Variants in NFE2L3 observed in about 807,000 individuals in gnomAD.
The protein encoded by NFE2L3 is nuclear factor erythroid 2-related factor 3.
A neutral mutation model predicts 23.5 loss-of-function variants in NFE2L3; 18 were observed. The observed-to-expected ratio is 0.77, with a 90% CI of 0.53 to 1.13. NFE2L3 has a LOEUF of 1.13. Among genes scored for constraint, NFE2L3 ranks in the 50% most tolerant of loss-of-function variants. NFE2L3 has a pLI of 0.00. For missense variants in NFE2L3, 1,152 were observed against 877.2 expected, an observed-to-expected ratio of 1.31 and a Z score of -3.96; for synonymous variants, 424 against 354.5, an observed-to-expected ratio of 1.20 and a Z score of -2.20.
chr7:26,181,521 T>C (rs887586783), intron 2 of NFE2L3, among the ~76,000 whole-genome samples: 5 of 152,132 alleles, frequency 3.3e-5, no homozygotes, highest in African/African-American at 1.2e-4. Flanking sequence ...AAGATCTGAA[T>C]GCACACTACC....
intron 2 of NFE2L3, among the ~76,000 whole-genome samples, chr7:26,183,009 A>G (rs186881966): frequency 1.3e-5 from 2 of 151,846 alleles, no homozygotes; most frequent in South Asian, 2.1e-4. Context: ...CTGGTCTCCA[A>G]CTCCTGGGCT....
intron 1 of NFE2L3, among the ~76,000 whole-genome samples, chr7:26,162,354 GA>G (rs1348540388): frequency 6.6e-6 from 1 of 152,106 alleles, no homozygotes; most frequent in Non-Finnish European, 1.5e-5. Context: ...ATTGAGTGGG[GA>G]GGGGTGAAGG....
intron 1 of NFE2L3, chr7:26,174,543 G>GCT (rs1784369703): frequency 6.6e-6 from 1 of 152,220 alleles, no homozygotes; most frequent in African/African-American, 2.4e-5. Context: ...GACTGATTGA[G>GCT]CTAGGACTAA....
In NFE2L3 at chr7:26,183,723, CTTCT is replaced by C. The variant is rs777217101; in HGVS notation, c.778_781del (p.Phe260LeufsTer35). On this transcript the variant is annotated frameshift_variant, in exon 3 of 4. Transcript: ENST00000056233. LOFTEE classifies it high-confidence loss of function. ...CAGAGACATCTGAATGGGACAGATACTTCTTTCTCTCTGGAAGACTTATTCCAGT... is the reference window on the plus strand; with the variant it reads ...CAGAGACATCTGAATGGGACAGATACTTCTCTCTGGAAGACTTATTCCAGT... 4.6e-5 allele frequency: 74 copies of C among 1,612,214 alleles called. No individual in the cohort carries two copies. The Middle Eastern group carries it at 1.5e-3, about 32-fold the overall frequency.
At chr7:26,183,878 G>T (rs1021609934) in intron 3 of NFE2L3, 94 bp downstream of exon 3, 1 of 812,242 alleles carries the variant, frequency 1.2e-6, no homozygotes, top group Non-Finnish European at 2.1e-6. Context: ...TGACACAGCA[G>T]TTTAAAGTAA....
intron 2 of NFE2L3, among the ~76,000 whole-genome samples, chr7:26,182,181 A>T (rs1784527217): frequency 1.3e-5 from 2 of 152,230 alleles, no homozygotes; most frequent in Admixed American, 6.5e-5. Context: ...AACATTTTTT[A>T]AATTACCTGA....
chr7:26,161,664 C>G (rs954433032), intron 1 of NFE2L3, among the ~76,000 whole-genome samples: 2 of 152,148 alleles, frequency 1.3e-5, no homozygotes, highest in African/African-American at 4.8e-5. Context: ...AGTTAAAAAA[C>G]TGGGCCAAAG....
intron 1 of NFE2L3, among the ~76,000 whole-genome samples, chr7:26,169,754 G>T (rs1420051687): frequency 6.6e-6 from 1 of 152,218 alleles, no homozygotes; most frequent in African/African-American, 2.4e-5. Flanking sequence ...GTCTGTGCAG[G>T]TTGAAGTATT....
intron 1 of NFE2L3, among the ~76,000 whole-genome samples, chr7:26,170,128 G>A (rs984215870): frequency 6.6e-6 from 1 of 152,072 alleles, no homozygotes; most frequent in Non-Finnish European, 1.5e-5. Context: ...TAAATTATAC[G>A]GTCACTTATT....
chr7:26,153,111 C>T, intron 1 of NFE2L3, 43 bp downstream of exon 1: 1 of 1,487,428 alleles, frequency 6.7e-7, no homozygotes, highest in Non-Finnish European at 8.9e-7. Context: ...GCGTCTACGC[C>T]GCCGGGAGCC....
At position 26,175,711 on chromosome 7, in the gene NFE2L3, C is replaced by T. The variant is rs1412484267; in HGVS notation, c.571-2232C>T. ...GGAGAATGGCGTGAACCCGGGAGGCCGAGCTTGTAGTGAGCCAAGATCGTG... is the reference window on the plus strand; with the variant it reads ...GGAGAATGGCGTGAACCCGGGAGGCTGAGCTTGTAGTGAGCCAAGATCGTG... On this transcript the variant is annotated intron_variant, in intron 1 of 3. Transcript: ENST00000056233. Among the ~76,000 whole-genome samples, 71 of 148,354 alleles carry T rather than the reference C, an allele frequency of 4.8e-4. 1 individual carries two copies. The highest frequency in any genetic ancestry group is 2.2e-3 in the Admixed American group (32 of 14,830).
At chr7:26,175,008 G>A (rs947616266) in intron 1 of NFE2L3, 13 of 152,132 alleles carry the variant, frequency 8.5e-5, no homozygotes, top group African/African-American at 2.7e-4. Flanking sequence ...GGGTAAATAA[G>A]TATAGATCTG....
chr7:26,159,580 A>C (rs575605023), intron 1 of NFE2L3, among the ~76,000 whole-genome samples: 4 of 152,194 alleles, frequency 2.6e-5, no homozygotes, highest in Non-Finnish European at 5.9e-5. Context: ...GTGTTTGCAG[A>C]ACTTCAAAGA....
chr7:26,160,134 T>C (rs1186519683), intron 1 of NFE2L3, among the ~76,000 whole-genome samples: 1 of 152,076 alleles, frequency 6.6e-6, no homozygotes, highest in African/African-American at 2.4e-5. Flanking sequence ...TTTAAAAATT[T>C]GTTTGCAGAG....
chr7:26,184,450 A>G, intron 3 of NFE2L3, 83 bp from the exon 4 acceptor site: 1 of 1,262,780 alleles, frequency 7.9e-7, no homozygotes, highest in Non-Finnish European at 1.1e-6. Flanking sequence ...TTGACAAAAG[A>G]GGGGAAAGAA....
rs1562680813 is a variant in NFE2L3, at chr7:26,185,182, T to G, written c.1484T>G (p.Phe495Cys). The G allele has an allele frequency of 3.7e-6, 6 of 1,613,858 alleles. No individual in the cohort carries two copies. Among genetic ancestry groups the G allele is most frequent in the Non-Finnish European group, 5.1e-6 (6 of 1,179,854 alleles). ...GGAGATCTTACATTTCAACACGTAT[T>G]TCATAACCACACTTACCACTTACAG... ...FHGDLTFQHV[F>C]HNHTYHLQPT... Residue 495 changes from phenylalanine (F) to cysteine (C), a missense_variant, in exon 4 of 4, where the codon TTT becomes TGT. Transcript: ENST00000056233.
At chr7:26,163,185 A>G (rs1252808811) in intron 1 of NFE2L3, among the ~76,000 whole-genome samples, 1 of 152,096 alleles carries the variant, frequency 6.6e-6, no homozygotes, top group Non-Finnish European at 1.5e-5. Context: ...ATTTCTTAGC[A>G]AGGAGAAGAG....
chr7:26,163,670 ATTATACTT>A (rs1303966870), intron 1 of NFE2L3, among the ~76,000 whole-genome samples: 1 of 152,044 alleles, frequency 6.6e-6, no homozygotes, highest in Non-Finnish European at 1.5e-5. Flanking sequence ...TATTTATTTT[ATTATACTT>A]TAAGTTTTAG....
intron 1 of NFE2L3, among the ~76,000 whole-genome samples, chr7:26,154,997 A>T (rs960229762): frequency 1.3e-5 from 2 of 152,132 alleles, no homozygotes; most frequent in African/African-American, 4.8e-5. Context: ...TGTGTGCACC[A>T]TGTTCACTGC....
Sources: allele counts gnomAD v4.1 joint callset (sites outside exome capture counted in the v4.1 genomes callset), GRCh38; gene constraint gnomAD v4.1.1; transcripts MANE v1.5; gene names NCBI Gene and HGNC (gene_info 2026-07-23, HGNC 2026-07-21).